MTMR10: variants seen among roughly 807,000 people sequenced by gnomAD.
The protein encoded by MTMR10 is myotubularin related protein 10, also known as myotubularin-related protein 10.
Under a neutral mutation model 88.1 loss-of-function variants are expected in MTMR10, and 56 were observed. The observed-to-expected ratio is 0.64, with a 90% CI of 0.51 to 0.79. MTMR10 has a LOEUF of 0.79. Ranked by LOEUF, MTMR10 falls within the 30% of genes least tolerant of loss-of-function variation. The pLI, the probability that MTMR10 is intolerant of heterozygous loss-of-function variation, is 0.00. For missense variants in MTMR10, 883 were observed against 924.7 expected (o/e 0.95, Z 0.58); for synonymous variants, 380 against 340.9 (o/e 1.11, Z -1.26).
Position 30,942,027 on chromosome 15 carries a change from TC to T in MTMR10, c.1776del (p.Asn593MetfsTer16). The T allele has an allele frequency of 1.9e-6, 3 of 1,614,030 alleles. No homozygotes were observed. The highest frequency in any genetic ancestry group is 2.5e-6 in the Non-Finnish European group (3 of 1,179,886). Reference sequence around the variant, plus strand: ...AATTCTTGGTCACTGATGATTCCATTCTTTAAGGCAGACGGCATTCCTCTTA... The same window carrying T: ...AATTCTTGGTCACTGATGATTCCATTTTTAAGGCAGACGGCATTCCTCTTA... ...STLRGMPSAL[K>X]NGIISDQELL... On this transcript the variant is annotated frameshift_variant, in exon 16 of 16. Transcript: ENST00000435680. LOFTEE classifies it low-confidence loss of function (END_TRUNC).
chr15:30,937,668 T>C (rs1409008851), downstream of MTMR10, among the ~76,000 whole-genome samples: 2 of 151,426 alleles, frequency 1.3e-5, no homozygotes, highest in Admixed American at 6.6e-5. Context: ...GTTGGCCAGG[T>C]TGGTCTGGAA....
chr15:30,955,708 C>T (rs2063317874), intron 9 of MTMR10, among the ~76,000 whole-genome samples: 1 of 152,190 alleles, frequency 6.6e-6, no homozygotes, highest in Non-Finnish European at 1.5e-5. Flanking sequence ...CATCTTTCCA[C>T]ATGATGTAGA....
chr15:30,973,182 C>T (rs950524783), intron 5 of MTMR10, among the ~76,000 whole-genome samples: 1 of 152,090 alleles, frequency 6.6e-6, no homozygotes, highest in Admixed American at 6.5e-5. Context: ...ACAGCACAAT[C>T]GAACAGGTGA....
In MTMR10 at chr15:30,940,372, G is replaced by T; in HGVS notation, c.*1098C>A. ...AGTTGGGGGCTGGGGGAGCACTTCT[G>T]TCGCTATTCAAATGGCAGTGTTTTG... On this transcript the variant is annotated 3_prime_UTR_variant, in exon 16 of 16. Coordinates refer to ENST00000435680, the MANE Select transcript of MTMR10 (RefSeq NM_017762.3). 1.0e-6 allele frequency: 1 copy of T among 985,418 alleles called. No individual in the cohort carries two copies. The highest frequency in any genetic ancestry group is 1.7e-5 in the African/African-American group (1 of 57,338). 61.0% of individuals were successfully genotyped at this position (985,418 alleles called of 1,614,324 possible). A position where few individuals can be genotyped will look rare whatever the true frequency, so the allele number is the denominator to read the frequency against.
intron 6 of MTMR10, among the ~76,000 whole-genome samples, chr15:30,963,358 C>A (rs374542094): frequency 6.6e-6 from 1 of 151,992 alleles, no homozygotes; most frequent in Admixed American, 6.5e-5. Context: ...TTGCTGGGCG[C>A]GGTGGCTCAT....
chr15:30,943,579 G>GACTC (rs1386312060), intron 14 of MTMR10: 1 of 984,646 alleles, frequency 1.0e-6, no homozygotes, highest in Non-Finnish European at 1.2e-6. Context: ...ACAGACCACA[G>GACTC]ACTCAGGGTA....
chr15:30,960,727 C>T (rs1595925152), intron 7 of MTMR10, among the ~76,000 whole-genome samples, 154 bp downstream of exon 7: 1 of 152,202 alleles, frequency 6.6e-6, no homozygotes, highest in East Asian at 1.9e-4. Flanking sequence ...ATTAATAAGC[C>T]TTGATCTTTA....
At chr15:30,977,891 GTT>G (rs2030275740) in intron 2 of MTMR10, among the ~76,000 whole-genome samples, 1 of 152,202 alleles carries the variant, frequency 6.6e-6, no homozygotes, top group African/African-American at 2.4e-5. Context: ...TACAAGGCTA[GTT>G]TTAGTAACTG....
the MTMR10 span, chr15:30,927,311 C>G: frequency 2.0e-6 from 2 of 985,404 alleles, no homozygotes; most frequent in African/African-American, 1.7e-5. Context: ...AAATCAGGTC[C>G]TAGCTCCACT....
chr15:30,942,245 A>G (rs187935633), intron 15 of MTMR10, 173 bp from the exon 16 acceptor site: 258 of 823,714 alleles, frequency 3.1e-4, no homozygotes, highest in African/African-American at 1.4e-3. Context: ...CTGGAATTAC[A>G]CTTTTTTATG....
intron 14 of MTMR10, chr15:30,943,345 T>C (rs930370640): frequency 3.0e-6 from 3 of 985,214 alleles, no homozygotes; most frequent in Non-Finnish European, 3.6e-6. Context: ...AAGAATGTTA[T>C]TAAGAGAAGT....
At chr15:30,966,645 T>C (rs1242469458) in intron 6 of MTMR10, among the ~76,000 whole-genome samples, 1 of 152,204 alleles carries the variant, frequency 6.6e-6, no homozygotes, top group Non-Finnish European at 1.5e-5. Context: ...AGGATCTGTA[T>C]ACTTTATTTT....
chr15:30,945,406 C>T (rs1291906016), intron 14 of MTMR10, among the ~76,000 whole-genome samples: 2 of 152,172 alleles, frequency 1.3e-5, no homozygotes, highest in African/African-American at 2.4e-5. Context: ...AGAAGTCTGT[C>T]CGCACACACA....
the MTMR10 span, chr15:30,920,672 GC>G: frequency 3.5e-6 from 5 of 1,422,270 alleles, no homozygotes; most frequent in South Asian, 2.4e-5. Context: ...ACAGGTCCCT[GC>G]CCCCCACCAT....
rs1053865180 is a variant in MTMR10, at chr15:30,961,048, T to C, written c.591A>G (p.Ser197=). 6.4e-7 allele frequency: 1 copy of C among 1,552,406 alleles called. No homozygotes were observed. Among genetic ancestry groups the C allele is most frequent in the South Asian group, 1.2e-5 (1 of 84,156 alleles). ...NSANKINGIP[S]GDGGGGGGGG... ...CTCCTCCTCCTCCTCCTCCATCTCC[T>C]GAGGGAATTCCATTAATTTTGTTTG... is the stretch of plus-strand genomic sequence containing the variant. The change falls in exon 7 of 16, where the codon TCA becomes TCG. Residue 197 remains serine (S), a synonymous_variant. Transcript: ENST00000435680.
At chr15:30,964,069 G>GA (rs2063443578) in intron 6 of MTMR10, among the ~76,000 whole-genome samples, 1 of 151,386 alleles carries the variant, frequency 6.6e-6, no homozygotes, top group African/African-American at 2.4e-5. Flanking sequence ...TCCTTAACTG[G>GA]ATAGAGGGTG....
Position 30,959,122 on chromosome 15 carries a change from C to G in MTMR10, c.759-1G>C. ...TGGCACTACAATGTATTCTGGAAGG[C>G]TGGAGGGGAAAAAAAAAATTATATG... On this transcript the variant is annotated splice_acceptor_variant, in intron 7 of 15. Coordinates refer to ENST00000435680, the MANE Select transcript of MTMR10 (RefSeq NM_017762.3). LOFTEE classifies it high-confidence loss of function. The G allele has an allele frequency of 6.4e-7, 1 of 1,561,078 alleles. No individual in the cohort carries two copies. The highest frequency in any genetic ancestry group is 1.2e-5 in the South Asian group (1 of 86,400).
chr15:30,967,035 A>T (rs1052595366), intron 6 of MTMR10, among the ~76,000 whole-genome samples: 2 of 152,074 alleles, frequency 1.3e-5, no homozygotes, highest in Non-Finnish European at 2.9e-5. Flanking sequence ...TTAAATTACT[A>T]CCATGTTTCG....
At chr15:30,955,106 C>T (rs932275838) in intron 9 of MTMR10, among the ~76,000 whole-genome samples, 3 of 150,856 alleles carry the variant, frequency 2.0e-5, no homozygotes, top group African/African-American at 7.3e-5. Context: ...CATGATTTTT[C>T]TGTATTCTCA....
Sources: gnomAD v4.1 joint callset for allele counts (sites outside exome capture counted in the v4.1 genomes callset) on GRCh38, gnomAD v4.1.1 for gene constraint, MANE v1.5 for transcripts, NCBI Gene and HGNC (gene_info 2026-07-23, HGNC 2026-07-21) for gene names.